AHNAK: variants seen among roughly 807,000 people sequenced by gnomAD.
AHNAK encodes the protein AHNAK nucleoprotein, also known as neuroblast differentiation-associated protein AHNAK.
AHNAK carries 23 observed loss-of-function variants against 37.8 expected under a neutral mutation model. The observed-to-expected ratio is 0.61, with a 90% confidence interval of 0.44 to 0.86. AHNAK has a LOEUF of 0.86. Among genes scored for constraint, AHNAK ranks in the 40% least tolerant of loss-of-function variants. The pLI, the probability that AHNAK is intolerant of heterozygous loss-of-function variation, is 0.00. For synonymous variants in AHNAK, 2,481 were observed against 2,636.3 expected, an observed-to-expected ratio of 0.94 and a Z score of 1.80; for missense variants, 7,411 against 7,319.4, an observed-to-expected ratio of 1.01 and a Z score of -0.46.
intron 5 of AHNAK, among the ~76,000 whole-genome samples, chr11:62,485,667 A>G (rs1939375616): frequency 7.1e-6 from 1 of 140,622 alleles, no homozygotes; most frequent in Admixed American, 7.7e-5. Flanking sequence ...GCACCACTGC[A>G]CTCCAGCCTG....
In AHNAK at chr11:62,523,853, G is replaced by C; in HGVS notation, c.10564C>G (p.Pro3522Ala). The part of the protein sequence containing the change: ...IEGPDLNVEG[P>A]EGGLKGPKFK... ...TTGGGACCTTTCAAGCCTCCCTCCG[G>C]ACCTTCCACATTGAGATCTGGGCCC... Residue 3522 changes from proline (P) to alanine (A), a missense_variant, in exon 5 of 5, where the codon CCG (proline) becomes GCG (alanine). Physicochemically the swap from Pro to Ala is conservative, Grantham distance 27. Coordinates refer to ENST00000378024, the MANE Select transcript of AHNAK (RefSeq NM_001620.3). 1 of 1,614,080 alleles carries C rather than the reference G, an allele frequency of 6.2e-7. No homozygotes were observed. Among genetic ancestry groups the C allele is most frequent in the African/African-American group, 1.3e-5 (1 of 74,996 alleles).
At position 62,532,913 on chromosome 11, in the gene AHNAK, T is replaced by C. The variant is rs375891937; in HGVS notation, c.1504A>G (p.Met502Val). Residue 502 changes from methionine (M) to valine (V), a missense_variant, in exon 5 of 5, where the codon ATG becomes GTG. By Grantham distance (21) the Met-to-Val change is conservative (BLOSUM62 1). Transcript: ENST00000378024. ...CCAAGGCTCAGATCCACATCCTGCA[T>C]GGAGATTTTAGGTTTCTGAATAATC... is the stretch of plus-strand genomic sequence containing the variant. ...EMIIQKPKIS[M>V]QDVDLSLGSP... The C allele has an allele frequency of 1.9e-6, 3 of 1,613,790 alleles. No homozygotes were observed. The African/African-American group carries it at 4.0e-5, about 22-fold the overall frequency.
intron 5 of AHNAK, among the ~76,000 whole-genome samples, chr11:62,447,579 AC>A (rs1482838266): frequency 2.0e-5 from 3 of 152,106 alleles, no homozygotes; most frequent in Admixed American, 6.5e-5. Flanking sequence ...AGAAAAATCA[AC>A]CCTTTCATCT....
At chr11:62,433,726 C>T in exon 6 of AHNAK, 1 of 929,214 alleles carries the variant, frequency 1.1e-6, no homozygotes, top group Non-Finnish European at 1.7e-6. Context: ...TATAAACATG[C>T]ATGCTCCGAA....
Position 62,525,345 on chromosome 11 carries a change from T to G in AHNAK, c.9072A>C (p.Lys3024Asn). ...QGPDWHLKMPKVKMPKFSMPG... is the reference protein window; with the variant it reads ...QGPDWHLKMPNVKMPKFSMPG... ...GCATGCTGAATTTGGGCATTTTCAC[T>G]TTGGGCATTTTTAGGTGCCAGTCTG... Residue 3024 changes from lysine to asparagine, a missense_variant, in exon 5 of 5, where the codon AAA becomes AAC. Coordinates refer to ENST00000378024, the MANE Select transcript of AHNAK (RefSeq NM_001620.3). 1 of 1,611,010 alleles carries G rather than the reference T, an allele frequency of 6.2e-7. No homozygotes were observed. Among genetic ancestry groups the G allele is most frequent in the South Asian group, 1.1e-5 (1 of 90,920 alleles).
At chr11:62,503,578 A>G (rs1590634425) in intron 4 of AHNAK, among the ~76,000 whole-genome samples, 2 of 145,500 alleles carry the variant, frequency 1.4e-5, no homozygotes, top group East Asian at 3.9e-4. Flanking sequence ...GCAAGACTCC[A>G]TCTCAAAAAA....
chr11:62,518,495 C>T lies in AHNAK; in HGVS notation c.15922G>A (p.Gly5308Arg). 4.3e-6 allele frequency: 7 copies of T among 1,614,126 alleles called. No individual in the cohort carries two copies. Among genetic ancestry groups the T allele is most frequent in the Non-Finnish European group, 5.1e-6 (6 of 1,180,012 alleles). ...TCCAGGTCTCCCTTCAAACTTGGTC[C>T]TTTCAAGTTCAGATCAAGGTCAGGC... Reference protein sequence around the residue: ...SGPDLDLNLKGPSLKGDLDAS... With the variant: ...SGPDLDLNLKRPSLKGDLDAS... The change falls in exon 5 of 5, where the codon GGA becomes AGA. Residue 5308 changes from glycine (G) to arginine (R), a missense_variant. Physicochemically the swap from Gly to Arg is moderately radical, Grantham distance 125. Transcript: ENST00000378024.
Position 62,517,400 on chromosome 11 carries a change from G to A in AHNAK, c.17017C>T (p.Leu5673=), listed in dbSNP as rs115257266. The A allele has an allele frequency of 6.2e-7, 1 of 1,614,190 alleles. No individual in the cohort carries two copies. Among genetic ancestry groups the A allele is most frequent in the Non-Finnish European group, 8.5e-7 (1 of 1,180,024 alleles). Residue 5673 remains leucine (L), a synonymous_variant, in exon 5 of 5, where the codon CTG becomes TTG. Transcript: ENST00000378024. The stretch of plus-strand genomic sequence containing the variant: ...TCCACCCCCATTTCTCTGCCAACCA[G>A]CTCACGGCCAGAGAAGGTAAATTTG... ...IPKFTFSGRE[L]VGREMGVDVH...
chr11:62,520,068 C>A lies in AHNAK; in HGVS notation c.14349G>T (p.Val4783=). 2 of 1,612,512 alleles carry A rather than the reference C, an allele frequency of 1.2e-6. No homozygotes were observed. Among genetic ancestry groups the A allele is most frequent in the Non-Finnish European group, 1.7e-6 (2 of 1,179,664 alleles). ...CAGGCATGCTGAATTTGGGCATTTT[C>A]ACCTTGGGCATCTTCAGGTGCCAGT... is the stretch of plus-strand genomic sequence containing the variant. ...GPDWHLKMPK[V]KMPKFSMPGF... Residue 4783 remains valine, a synonymous_variant, in exon 5 of 5, where the codon GTG becomes GTT. Transcript: ENST00000378024.
Position 62,491,928 on chromosome 11 carries a change from AC to A in AHNAK, c.343-98del. 6 of 1,137,538 alleles carry A rather than the reference AC, an allele frequency of 5.3e-6. No homozygotes were observed. In the East Asian group the frequency reaches 1.0e-4, roughly 20 times the overall value. 70.5% of individuals were successfully genotyped at this position (1,137,538 alleles called of 1,614,324 possible). ...ACTATGGGTGTATAAAATACCAGAG[AC>A]CCCACGTTTACCACTACCACCCCCC... On this transcript the variant is annotated intron_variant, in intron 4 of 5. Coordinates refer to the AHNAK transcript ENST00000257247.
rs140204423 is a variant in AHNAK, at chr11:62,520,273, C to T, written c.14144G>A (p.Ser4715Asn). 27 of 1,605,466 alleles carry T rather than the reference C, an allele frequency of 1.7e-5. No homozygotes were observed. Among genetic ancestry groups the T allele is most frequent in the African/African-American group, 4.2e-5 (3 of 72,098 alleles). The change falls in exon 5 of 5, where the codon AGC becomes AAC. Residue 4715 changes from serine (S) to asparagine (N), a missense_variant. Coordinates refer to ENST00000378024, the MANE Select transcript of AHNAK (RefSeq NM_001620.3). ...CATGGAGATCTTGGGGGCTTTGATGCTCATCTCAGGCATCTTGAACTTGGG... is the reference window on the plus strand; with the variant it reads ...CATGGAGATCTTGGGGGCTTTGATGTTCATCTCAGGCATCTTGAACTTGGG... ...KGPKFKMPEMSIKAPKISMPD... is the reference protein window; with the variant it reads ...KGPKFKMPEMNIKAPKISMPD...
chr11:62,443,936 A>G (rs1938367046), intron 5 of AHNAK, among the ~76,000 whole-genome samples: 1 of 152,136 alleles, frequency 6.6e-6, no homozygotes, highest in African/African-American at 2.4e-5. Context: ...AGCAGTAGAA[A>G]TGTCACCCCA....
At chr11:62,492,179 G>A (rs1194488352) in intron 4 of AHNAK, among the ~76,000 whole-genome samples, 2 of 152,168 alleles carry the variant, frequency 1.3e-5, no homozygotes, top group Non-Finnish European at 1.5e-5. Flanking sequence ...AGAGAGATAA[G>A]GTACAACTGA....
chr11:62,513,581 C>A (rs780080909), downstream of AHNAK, among the ~76,000 whole-genome samples: 27 of 152,144 alleles, frequency 1.8e-4, no homozygotes, highest in Admixed American at 8.5e-4. Flanking sequence ...TTGGACCACC[C>A]CATCAGGAAC....
chr11:62,532,451 C>T lies in AHNAK; in HGVS notation c.1966G>A (p.Asp656Asn). ...PDVHMTLPKG[D>N]ISISGPKVNV... is the part of the protein sequence containing the mutation. ...ACCTTGGGCCCTGAAATACTGATATCTCCTTTGGGTAGAGTCATATGAACA... is the reference window on the plus strand; with the variant it reads ...ACCTTGGGCCCTGAAATACTGATATTTCCTTTGGGTAGAGTCATATGAACA... The change falls in exon 5 of 5, where the codon GAT (aspartate) becomes AAT (asparagine). Residue 656 changes from aspartate to asparagine, a missense_variant. Asp to Asn is a conservative substitution (Grantham distance 23, BLOSUM62 1). Transcript: ENST00000378024. 1 of 1,614,120 alleles carries T rather than the reference C, an allele frequency of 6.2e-7. No homozygotes were observed.
intron 5 of AHNAK, among the ~76,000 whole-genome samples, chr11:62,479,862 A>C (rs1408548705): frequency 6.6e-6 from 1 of 152,206 alleles, no homozygotes; most frequent in Non-Finnish European, 1.5e-5. Context: ...AAAGTATTCC[A>C]AAGTGGCTTT....
chr11:62,468,625 C>T (rs577208104), intron 5 of AHNAK, among the ~76,000 whole-genome samples: 2 of 152,120 alleles, frequency 1.3e-5, no homozygotes, highest in South Asian at 4.2e-4. Flanking sequence ...GGATAACAGC[C>T]GAATCCTCAA....
intron 5 of AHNAK, among the ~76,000 whole-genome samples, chr11:62,454,021 C>A (rs554607841): frequency 1.3e-5 from 2 of 151,310 alleles, no homozygotes; most frequent in African/African-American, 4.8e-5. Context: ...GCAGGAGAAT[C>A]TGTTGAACCC....
At chr11:62,480,855 C>G (rs1406555566) in intron 5 of AHNAK, among the ~76,000 whole-genome samples, 2 of 147,112 alleles carry the variant, frequency 1.4e-5, no homozygotes, top group African/African-American at 5.1e-5. Context: ...CTGGTCTGAC[C>G]AAGTTGGAAT....
Sources: allele counts gnomAD v4.1 joint callset (sites outside exome capture counted in the v4.1 genomes callset), GRCh38; gene constraint gnomAD v4.1.1; transcripts MANE v1.5; gene names NCBI Gene and HGNC (gene_info 2026-07-23, HGNC 2026-07-21).